Variants in RXRA observed in about 807,000 individuals in gnomAD.
The protein encoded by RXRA is retinoid X receptor alpha, also known as retinoic acid receptor RXR-alpha.
A neutral mutation model predicts 44.5 loss-of-function variants in RXRA; 5 were observed. The observed-to-expected ratio is 0.11, with a 90% CI of 0.06 to 0.24. The LOEUF is 0.24. RXRA is among the 10% of genes least tolerant of loss of function. The pLI, the probability that RXRA is intolerant of heterozygous loss-of-function variation, is 1.00. For missense variants in RXRA, 412 were observed against 646.5 expected (o/e 0.64, Z 3.93); for synonymous variants, 291 against 271.4 (o/e 1.07, Z -0.71).
At chr9:134,425,664 G>T in intron 6 of RXRA, 4 of 985,216 alleles carry the variant, frequency 4.1e-6, no homozygotes, top group Non-Finnish European at 4.8e-6. Context: ...CCCCTGTGGG[G>T]ACAGCACACC....
chr9:134,379,430 C>T (rs1226072550), intron 1 of RXRA: 3 of 987,336 alleles, frequency 3.0e-6, no homozygotes, highest in Non-Finnish European at 2.4e-6. Flanking sequence ...CACTTCCTGG[C>T]CATCCAGGCA....
intron 1 of RXRA, among the ~76,000 whole-genome samples, chr9:134,400,711 T>C (rs1321302329): frequency 6.6e-6 from 1 of 152,150 alleles, no homozygotes. Context: ...TGAAGTGTGG[T>C]TGGGGCTTTG....
chr9:134,425,323 CT>C (rs1831413968), intron 6 of RXRA: 12 of 985,284 alleles, frequency 1.2e-5, no homozygotes, highest in Non-Finnish European at 1.4e-5. Context: ...AGAGTTTTGG[CT>C]TGTTCCATGG....
chr9:134,342,833 C>T lies in RXRA; in HGVS notation c.28+16174C>T, dbSNP rs1388732313. Reference sequence around the variant, plus strand: ...GCTCTGGCTGGCTCAGCAGGTTGAGCGCAGGTGGTGGCTGTGGCCCTGCCA... The same window carrying T: ...GCTCTGGCTGGCTCAGCAGGTTGAGTGCAGGTGGTGGCTGTGGCCCTGCCA... On this transcript the variant is annotated intron_variant, in intron 1 of 9. Transcript: ENST00000481739. This position sits in a 1 kb window ranked among gnomAD's most constrained non-coding sequence, Gnocchi z 4.4. Among the ~76,000 whole-genome samples the T allele has an allele frequency of 4.6e-5, 7 of 152,128 alleles. No individual in the cohort carries two copies. Among genetic ancestry groups the T allele is most frequent in the African/African-American group, 9.7e-5 (4 of 41,424 alleles).
intron 1 of RXRA, among the ~76,000 whole-genome samples, chr9:134,375,647 G>T (rs1247078760): frequency 1.3e-5 from 2 of 152,194 alleles, no homozygotes; most frequent in Admixed American, 1.3e-4. Context: ...GGCAGCCTGG[G>T]GTGGCCAGCA....
intron 1 of RXRA, chr9:134,379,401 CT>C: frequency 3.0e-6 from 3 of 987,538 alleles, no homozygotes; most frequent in Non-Finnish European, 2.4e-6. Context: ...CTGGGGCACC[CT>C]GAGATGGGGC....
intron 1 of RXRA, among the ~76,000 whole-genome samples, chr9:134,367,862 G>A (rs1051972704): frequency 3.3e-5 from 5 of 152,226 alleles, no homozygotes; most frequent in African/African-American, 7.2e-5. Flanking sequence ...CCTGGGCCCC[G>A]GCTCAGCCAG....
rs1831625781 is a variant in RXRA at position 134,436,605 on chromosome 9, A to C, written c.1380A>C (p.Gln460His). 2 of 1,613,796 alleles carry C rather than the reference A, an allele frequency of 1.2e-6. No homozygotes were observed. Among genetic ancestry groups the C allele is most frequent in the Non-Finnish European group, 1.7e-6 (2 of 1,180,016 alleles). Residue 460 changes from glutamine (Q) to histidine (H), a missense_variant, in exon 10 of 10, where the codon CAA (glutamine) becomes CAC (histidine). Gln to His is a conservative substitution (Grantham distance 24). Coordinates refer to ENST00000481739, the MANE Select transcript of RXRA (RefSeq NM_002957.6). ...FLMEMLEAPH[Q>H]MT ...TGGAGATGCTGGAGGCGCCGCACCA[A>C]ATGACTTAGGCCTGCGGGCCCATCC...
In RXRA at chr9:134,349,879, C is replaced by T. The variant is rs1364383967; in HGVS notation, c.28+23220C>T. ...GTAGGAGTCGGGTGGACAGTTTGCA[C>T]GATCTCATCCTGCCTGTGACACCTT... On this transcript the variant is annotated intron_variant, in intron 1 of 9. Transcript: ENST00000481739. This position sits in a 1 kb window ranked among gnomAD's most constrained non-coding sequence, Gnocchi z 4.3. Among the ~76,000 whole-genome samples, 2 of 152,124 alleles carry T rather than the reference C, an allele frequency of 1.3e-5. No individual in the cohort carries two copies. The highest frequency in any genetic ancestry group is 1.5e-5 in the Non-Finnish European group (1 of 68,010).
At chr9:134,380,139 G>A (rs1296508561) in intron 1 of RXRA, 6 of 985,352 alleles carry the variant, frequency 6.1e-6, no homozygotes, top group African/African-American at 3.5e-5. Flanking sequence ...CACTGCCACC[G>A]TCCACCAGCG....
chr9:134,382,685 T>C (rs1830663859), intron 1 of RXRA, among the ~76,000 whole-genome samples: 1 of 152,002 alleles, frequency 6.6e-6, no homozygotes, highest in African/African-American at 2.4e-5. Flanking sequence ...TGCTGAGGCC[T>C]GAGTGGGCAG....
Position 134,395,088 on chromosome 9 carries a change from G to T in RXRA, c.29-6544G>T, listed in dbSNP as rs142047936. On this transcript the variant is annotated intron_variant, in intron 1 of 9. Transcript: ENST00000481739. ...GACCGACCTGGCCTGGCTGGGCTCT[G>T]TCCTGAGGCTGGGACACCGTGGGCT... Among the ~76,000 whole-genome samples the T allele has an allele frequency of 3.3e-4, 50 of 152,354 alleles. No homozygotes were observed. The South Asian group carries it at 3.5e-3, about 11-fold the overall frequency.
At chr9:134,430,336 G>A (rs1831512945) in intron 7 of RXRA, among the ~76,000 whole-genome samples, 1 of 152,212 alleles carries the variant, frequency 6.6e-6, no homozygotes, top group African/African-American at 2.4e-5. Flanking sequence ...CAGGAGCCGT[G>A]GGTGGGGAGG....
intron 8 of RXRA, among the ~76,000 whole-genome samples, 165 bp downstream of exon 8, chr9:134,432,161 C>A (rs1362020629): frequency 1.3e-5 from 2 of 152,176 alleles, no homozygotes; most frequent in African/African-American, 4.8e-5. Context: ...GGCCATGCTG[C>A]CTTCTGCTCA....
At chr9:134,367,597 C>G (rs765670174) in intron 1 of RXRA, among the ~76,000 whole-genome samples, 1 of 152,238 alleles carries the variant, frequency 6.6e-6, no homozygotes, top group African/African-American at 2.4e-5. Context: ...GCCAAGCTGT[C>G]GGTGCAGTGC....
chr9:134,412,399 C>T (rs982888938), intron 4 of RXRA, among the ~76,000 whole-genome samples: 3 of 152,220 alleles, frequency 2.0e-5, no homozygotes, highest in Non-Finnish European at 2.9e-5. Context: ...GCGAGGGAGT[C>T]GCCTGGGGTT....
intron 1 of RXRA, among the ~76,000 whole-genome samples, chr9:134,337,227 G>A (rs138329209): frequency 1.3e-5 from 2 of 152,324 alleles, no homozygotes; most frequent in East Asian, 3.9e-4. Flanking sequence ...AGCATGTCTT[G>A]TTGAAACTTG....
chr9:134,414,000 A>C (rs370073741), intron 4 of RXRA, among the ~76,000 whole-genome samples: 3 of 152,170 alleles, frequency 2.0e-5, no homozygotes, highest in Non-Finnish European at 2.9e-5. Flanking sequence ...CTGTGTTTAC[A>C]GACACCTCCC....
intron 1 of RXRA, among the ~76,000 whole-genome samples, chr9:134,381,788 C>G (rs1439515461): frequency 6.6e-6 from 1 of 152,118 alleles, no homozygotes; most frequent in Non-Finnish European, 1.5e-5. Flanking sequence ...CAAATTAGCC[C>G]CGACCTCCCC....
Sources: allele counts gnomAD v4.1 joint callset (sites outside exome capture counted in the v4.1 genomes callset), GRCh38; gene constraint gnomAD v4.1.1; non-coding constraint Gnocchi (gnomAD v3.1); transcripts MANE v1.5; gene names NCBI Gene and HGNC (gene_info 2026-07-23, HGNC 2026-07-21).